Variants in ANKRD26 observed in about 807,000 individuals in gnomAD.
The protein encoded by ANKRD26 is ankyrin repeat domain 26, also known as ankyrin repeat domain-containing protein 26.
A neutral mutation model predicts 208.7 loss-of-function variants in ANKRD26; 141 were observed. The observed-to-expected ratio is 0.68, with a 90% CI of 0.59 to 0.78. ANKRD26 has a LOEUF of 0.78. Among genes scored for constraint, ANKRD26 ranks in the 30% least tolerant of loss-of-function variants. The pLI, the probability that ANKRD26 is intolerant of heterozygous loss-of-function variation, is 0.00. For missense variants in ANKRD26, 1,889 were observed against 1,938.7 expected, an observed-to-expected ratio of 0.97 and a Z score of 0.48; for synonymous variants, 636 against 660.4, an observed-to-expected ratio of 0.96 and a Z score of 0.57.
rs2055741711 is a variant in ANKRD26 at position 27,077,478 on chromosome 10, CGGA to C, written c.934_936del (p.Ser312del). On this transcript the variant is annotated inframe_deletion, in exon 9 of 34. Transcript: ENST00000376087. ...TCAACCACAACTTCATCTTGACTATCGGAATCTCTATCCTCAAACAAAGTTCTA... is the reference window on the plus strand; with the variant it reads ...TCAACCACAACTTCATCTTGACTATCATCTCTATCCTCAAACAAAGTTCTA... 1 of 1,613,820 alleles carries C rather than the reference CGGA, an allele frequency of 6.2e-7. No individual in the cohort carries two copies. The highest frequency in any genetic ancestry group is 1.3e-5 in the African/African-American group (1 of 74,902).
chr10:27,026,801 T>G (rs1302230267), intron 27 of ANKRD26, among the ~76,000 whole-genome samples: 1 of 152,086 alleles, frequency 6.6e-6, no homozygotes, highest in Non-Finnish European at 1.5e-5. Context: ...TTTGGTTTTT[T>G]TTAGTTTTTT....
chr10:26,996,529 C>G (rs574241628), intron 4 of ANKRD26, among the ~76,000 whole-genome samples: 2 of 152,322 alleles, frequency 1.3e-5, no homozygotes, highest in African/African-American at 4.8e-5. Flanking sequence ...CACTGCACTC[C>G]AGCCTAGCAA....
rs889042227 is a variant in ANKRD26, at chr10:27,037,321, G to A, written c.2562C>T (p.Val854=). 15 of 1,613,660 alleles carry A rather than the reference G, an allele frequency of 9.3e-6. No homozygotes were observed. The highest frequency in any genetic ancestry group is 7.7e-5 in the South Asian group (7 of 91,046). Residue 854 remains valine, a splice_region_variant and synonymous_variant, in exon 23 of 34, where the codon GTC becomes GTT. Coordinates refer to ENST00000376087, the MANE Select transcript of ANKRD26 (RefSeq NM_014915.3). Reference sequence around the variant, plus strand: ...TCTGAGCGTCATTTCGCTCTTGAACGACCTAGAGATACATTAAGTTTTAGG... The same window carrying A: ...TCTGAGCGTCATTTCGCTCTTGAACAACCTAGAGATACATTAAGTTTTAGG... ...LRTVKSNLNQ[V]VQERNDAQRQ...
intron 17 of ANKRD26, among the ~76,000 whole-genome samples, chr10:27,047,548 G>C (rs530320976): frequency 6.6e-6 from 1 of 151,822 alleles, no homozygotes; most frequent in Non-Finnish European, 1.5e-5. Context: ...TTGAGCCCAG[G>C]AGACAGAGGT....
At chr10:27,002,285 A>C (rs1307619574), downstream of ANKRD26, among the ~76,000 whole-genome samples, 1 of 152,210 alleles carries the variant, frequency 6.6e-6, no homozygotes, top group African/African-American at 2.4e-5. Context: ...AGGATTGAAC[A>C]AATCAGTAAA....
At position 27,053,356 on chromosome 10, in the gene ANKRD26, CTCT is replaced by C. The variant is rs138423863; in HGVS notation, c.1596_1598del (p.Glu533del). On this transcript the variant is annotated inframe_deletion, in exon 16 of 34. Transcript: ENST00000376087. Reference sequence around the variant, plus strand: ...TATTTTCACTCCCTTCCCTTTCTTGCTCTTCTTCTGATGCTACTTCTAAGTCAT... The same window carrying C: ...TATTTTCACTCCCTTCCCTTTCTTGCTCTTCTGATGCTACTTCTAAGTCAT... The C allele has an allele frequency of 0.017, 27,659 of 1,611,050 alleles. 1,828 individuals carry two copies. The East Asian group carries it at 0.2, about 12-fold the overall frequency.
At chr10:26,959,790 TGTTGAG>T in the ANKRD26 span, among the ~76,000 whole-genome samples, 7 of 152,282 alleles carry the variant, frequency 4.6e-5, no homozygotes, top group African/African-American at 1.4e-4. Context: ...TTGAATGCAC[TGTTGAG>T]GTTCCTCCTG....
In ANKRD26 at chr10:27,053,384, T is replaced by G; in HGVS notation, c.1571A>C (p.His524Pro). Residue 524 changes from histidine (H) to proline (P), a missense_variant, in exon 16 of 34, where the codon CAT (histidine) becomes CCT (proline). Physicochemically the swap from His to Pro is moderately conservative, Grantham distance 77. Around this residue, in one of 3 missense-constraint regions of ANKRD26, gnomAD observed 1,272 missense variants for 1,273.8 expected, o/e 1.00. Coordinates refer to ENST00000376087, the MANE Select transcript of ANKRD26 (RefSeq NM_014915.3). ...TTCTTCTGATGCTACTTCTAAGTCA[T>G]GTTCAGCTGAAAAAATCCAAATATT... ...KDVQTSKAAE[H>P]DLEVASEEEQ... 6.2e-7 allele frequency: 1 copy of G among 1,610,336 alleles called. No individual in the cohort carries two copies. The highest frequency in any genetic ancestry group is 8.5e-7 in the Non-Finnish European group (1 of 1,178,002).
intron 5 of ANKRD26, among the ~76,000 whole-genome samples, chr10:26,977,783 CT>C (rs1412369747): frequency 2.0e-5 from 3 of 152,198 alleles, no homozygotes; most frequent in Admixed American, 1.3e-4. Context: ...GCAGAAGGCC[CT>C]GACAAACTAT....
the ANKRD26 span, among the ~76,000 whole-genome samples, chr10:26,958,573 C>T: frequency 6.6e-6 from 1 of 152,144 alleles, no homozygotes; most frequent in Non-Finnish European, 1.5e-5. Context: ...CTTTGGTTTT[C>T]TGTTCCTGTG....
chr10:27,094,224 C>T (rs985405226), intron 1 of ANKRD26, among the ~76,000 whole-genome samples: 6 of 152,138 alleles, frequency 3.9e-5, no homozygotes, highest in African/African-American at 1.4e-4. Context: ...AACCTCTTTC[C>T]TTTATAAATT....
chr10:27,085,776 C>T (rs72807642), intron 5 of ANKRD26, among the ~76,000 whole-genome samples: 9,481 of 152,094 alleles, frequency 0.062, 448 homozygotes, highest in Middle Eastern at 0.14. Flanking sequence ...TCTCTGCCAC[C>T]CCAAGACAGC....
At chr10:26,983,094 A>G (rs1439500743) in intron 3 of ANKRD26, among the ~76,000 whole-genome samples, 3 of 152,132 alleles carry the variant, frequency 2.0e-5, no homozygotes, top group African/African-American at 4.8e-5. Flanking sequence ...ACAATTTTGC[A>G]GCATGGTTTT....
intron 9 of ANKRD26, among the ~76,000 whole-genome samples, chr10:27,067,497 G>A (rs773375803): frequency 3.9e-5 from 6 of 152,154 alleles, no homozygotes; most frequent in Non-Finnish European, 8.8e-5. Context: ...GGTTTTGCAG[G>A]CTGTATAGGA....
At chr10:27,077,762 T>C (rs2055753738) in intron 7 of ANKRD26, 69 bp from the exon 8 acceptor site, 1 of 1,333,824 alleles carries the variant, frequency 7.5e-7, no homozygotes, top group African/African-American at 1.5e-5. Context: ...ATAATCGTAA[T>C]AGATAGTCAC....
chr10:26,960,580 A>C, the ANKRD26 span, among the ~76,000 whole-genome samples: 2 of 152,234 alleles, frequency 1.3e-5, no homozygotes, highest in African/African-American at 4.8e-5. Flanking sequence ...ATGATGAAAT[A>C]GTCATTGTTT....
chr10:26,953,926 G>A, the ANKRD26 span, among the ~76,000 whole-genome samples: 1 of 152,172 alleles, frequency 6.6e-6, no homozygotes, highest in African/African-American at 2.4e-5. Flanking sequence ...AACGTGATAT[G>A]CTGCTCCTGC....
chr10:26,977,525 C>T (rs1040538922), intron 5 of ANKRD26, among the ~76,000 whole-genome samples: 5 of 152,132 alleles, frequency 3.3e-5, no homozygotes, highest in African/African-American at 1.2e-4. Flanking sequence ...TTGTAGCATA[C>T]ACACACAAAG....
intron 10 of ANKRD26, among the ~76,000 whole-genome samples, chr10:27,066,805 A>G (rs906794791): frequency 6.6e-6 from 1 of 152,014 alleles, no homozygotes; most frequent in Non-Finnish European, 1.5e-5. Flanking sequence ...GTTGTCTTAG[A>G]ATAGATTTTT....
Sources: gnomAD v4.1 joint callset for allele counts (sites outside exome capture counted in the v4.1 genomes callset) on GRCh38, gnomAD v4.1.1 for gene constraint, gnomAD v4.1.1 regional missense constraint, MANE v1.5 for transcripts, NCBI Gene and HGNC (gene_info 2026-07-23, HGNC 2026-07-21) for gene names.